FOXN3: variants seen among roughly 807,000 people sequenced by gnomAD.
FOXN3 encodes the protein forkhead box N3, also known as forkhead box protein N3.
Under a neutral mutation model 38.4 loss-of-function variants are expected in FOXN3, and 7 were observed. That is an observed-to-expected ratio of 0.18 (90% CI 0.10 to 0.34). The LOEUF (loss-of-function observed/expected upper bound fraction) is 0.34, where lower values mean the gene tolerates loss of function less well. Among genes scored for constraint, FOXN3 ranks in the 10% least tolerant of loss-of-function variants. FOXN3 has a pLI of 1.00. For missense variants in FOXN3, 456 were observed against 613.4 expected, an observed-to-expected ratio of 0.74 and a Z score of 2.71; for synonymous variants, 230 against 242.2, an observed-to-expected ratio of 0.95 and a Z score of 0.47.
At chr14:89,368,615 C>T (rs1488656235) in intron 2 of FOXN3, among the ~76,000 whole-genome samples, 2 of 152,164 alleles carry the variant, frequency 1.3e-5, no homozygotes, top group Non-Finnish European at 2.9e-5. Context: ...CACTGCACTC[C>T]GGCTTGGGTG....
rs1465988785 is a variant in FOXN3 at position 89,389,425 on chromosome 14, C to A, written c.543+22509G>T. ...TTCATTCTATCCTTTCCCTTCACAG[C>A]GGTAGATCCCACAAGCGCCCAATCA... On this transcript the variant is annotated intron_variant, in intron 2 of 5. Coordinates refer to ENST00000557258, the MANE Select transcript of FOXN3 (RefSeq NM_005197.4). Among the ~76,000 whole-genome samples, 4 of 152,166 alleles carry A rather than the reference C, an allele frequency of 2.6e-5. No individual in the cohort carries two copies. In the East Asian group the frequency reaches 5.8e-4, roughly 22 times the overall value.
intron 2 of FOXN3, among the ~76,000 whole-genome samples, chr14:89,398,683 T>C (rs959924350): frequency 1.3e-5 from 2 of 152,070 alleles, no homozygotes; most frequent in African/African-American, 4.8e-5. Context: ...TCCATATTAC[T>C]TTTCTTTTCA....
chr14:89,278,134 A>T (rs142790748), intron 4 of FOXN3, among the ~76,000 whole-genome samples: 6 of 152,320 alleles, frequency 3.9e-5, no homozygotes, highest in African/African-American at 1.4e-4. Flanking sequence ...TTATAAAGAA[A>T]AAGAGGTTTA....
chr14:89,474,177 T>G (rs1267291957), intron 1 of FOXN3, among the ~76,000 whole-genome samples: 3 of 152,248 alleles, frequency 2.0e-5, no homozygotes, highest in Non-Finnish European at 4.4e-5. Context: ...TCAGAACCAA[T>G]CTAGCCATTT....
At chr14:89,460,252 C>A (rs1892816118) in intron 1 of FOXN3, among the ~76,000 whole-genome samples, 1 of 152,154 alleles carries the variant, frequency 6.6e-6, no homozygotes. Context: ...CTCCAAAGGT[C>A]AGAGCCAAAT....
chr14:89,254,262 A>G (rs901724229), intron 4 of FOXN3, among the ~76,000 whole-genome samples: 1 of 152,214 alleles, frequency 6.6e-6, no homozygotes, highest in African/African-American at 2.4e-5. Context: ...TAGCTGCATC[A>G]TCACCACCAT....
chr14:89,534,158 T>A (rs1031278280), intron 1 of FOXN3, among the ~76,000 whole-genome samples: 2 of 144,302 alleles, frequency 1.4e-5, no homozygotes, highest in African/African-American at 5.3e-5. Flanking sequence ...CAGGCTGGAG[T>A]GCAGTGGCTC....
Position 89,160,926 on chromosome 14 carries a change from A to C in FOXN3, c.*1488T>G, listed in dbSNP as rs996821528. 1.3e-5 allele frequency: 2 copies of C among 152,332 alleles called. No individual in the cohort carries two copies. The highest frequency in any genetic ancestry group is 2.9e-5 in the Non-Finnish European group (2 of 68,020). The allele number at this position is 152,332 out of a possible 1,614,324, so 9.4% of individuals were successfully genotyped here. A position where few individuals can be genotyped will look rare whatever the true frequency, so the allele number is the denominator to read the frequency against. ...AAAACAAAAACAAAAACAAAAAGGA[A>C]AAAAAGAAAGCAAAGAAAAGGAAAG... On this transcript the variant is annotated 3_prime_UTR_variant, in exon 6 of 6. Coordinates refer to ENST00000557258, the MANE Select transcript of FOXN3 (RefSeq NM_005197.4).
intron 1 of FOXN3, among the ~76,000 whole-genome samples, chr14:89,478,079 C>G (rs1013196204): frequency 2.6e-5 from 4 of 152,100 alleles, no homozygotes; most frequent in Admixed American, 2.6e-4. Flanking sequence ...GGGGGAGGAA[C>G]CCTCATGAGT....
At chr14:89,346,351 T>C (rs547137339) in intron 3 of FOXN3, among the ~76,000 whole-genome samples, 2 of 152,328 alleles carry the variant, frequency 1.3e-5, no homozygotes, top group South Asian at 2.1e-4. Flanking sequence ...CAGGACATCA[T>C]AGGACACATT....
chr14:89,351,949 T>C (rs536537828), intron 2 of FOXN3, among the ~76,000 whole-genome samples: 1 of 152,362 alleles, frequency 6.6e-6, no homozygotes, highest in African/African-American at 2.4e-5. Context: ...TCATCATCAG[T>C]TCACCCGAGT....
At chr14:89,467,798 T>C (rs905301399) in intron 1 of FOXN3, among the ~76,000 whole-genome samples, 2 of 126,638 alleles carry the variant, frequency 1.6e-5, no homozygotes, top group African/African-American at 5.6e-5. Context: ...TTTCTTTTCT[T>C]TCTTTGTTTT....
intron 3 of FOXN3, among the ~76,000 whole-genome samples, chr14:89,296,230 A>G (rs1244682052): frequency 6.6e-6 from 1 of 152,350 alleles, no homozygotes; most frequent in East Asian, 1.9e-4. Flanking sequence ...CTTATGATAC[A>G]TCTCATGAAC....
At chr14:89,496,187 T>C (rs1194588148) in intron 1 of FOXN3, among the ~76,000 whole-genome samples, 1 of 152,136 alleles carries the variant, frequency 6.6e-6, no homozygotes, top group African/African-American at 2.4e-5. Flanking sequence ...CACTACAGCC[T>C]GGGCAACAAG....
intron 3 of FOXN3, among the ~76,000 whole-genome samples, chr14:89,311,968 C>T (rs1354934486): frequency 1.3e-5 from 2 of 151,860 alleles, no homozygotes; most frequent in Non-Finnish European, 2.9e-5. Context: ...AATTCAAACC[C>T]GGATGCAAAG....
At chr14:89,355,166 A>T (rs1188961399) in intron 2 of FOXN3, 1 of 150,284 alleles carries the variant, frequency 6.7e-6, no homozygotes, top group East Asian at 2.0e-4. Context: ...AGCAAACAAG[A>T]GCCCATATTG....
chr14:89,266,319 C>A (rs974792080), intron 4 of FOXN3, among the ~76,000 whole-genome samples: 3 of 152,156 alleles, frequency 2.0e-5, no homozygotes, highest in African/African-American at 7.2e-5. Context: ...TTCCTCAGTA[C>A]ATGTACATTC....
chr14:89,613,918 T>G (rs1220078681), intron 1 of FOXN3, among the ~76,000 whole-genome samples: 1 of 152,186 alleles, frequency 6.6e-6, no homozygotes, highest in Non-Finnish European at 1.5e-5. Flanking sequence ...GAGGTGAATC[T>G]AGTGATTGTG....
At chr14:89,572,132 G>C (rs764395431) in intron 1 of FOXN3, among the ~76,000 whole-genome samples, 4 of 152,102 alleles carry the variant, frequency 2.6e-5, no homozygotes, top group Admixed American at 2.6e-4. Context: ...TGGAGGAAAA[G>C]CTCATTTAAT....
Sources: gnomAD v4.1 joint callset for allele counts (sites outside exome capture counted in the v4.1 genomes callset) on GRCh38, gnomAD v4.1.1 for gene constraint, MANE v1.5 for transcripts, NCBI Gene and HGNC (gene_info 2026-07-23, HGNC 2026-07-21) for gene names.